Variants in NCAPD2 observed in about 807,000 individuals in gnomAD.
NCAPD2 encodes non-SMC condensin I complex subunit D2.
In NCAPD2, 100 loss-of-function variants were observed where a neutral mutation model predicts 164.5. The ratio of observed to expected loss-of-function variants is 0.61; its 90% CI spans 0.52 to 0.72. The LOEUF (loss-of-function observed/expected upper bound fraction) is 0.72, where lower values mean the gene tolerates loss of function less well. Ranked by LOEUF, NCAPD2 falls within the 30% of genes least tolerant of loss-of-function variation. NCAPD2 has a pLI of 0.00. For missense variants in NCAPD2, 1,560 were observed against 1,749.2 expected (o/e 0.89, Z 1.93); for synonymous variants, 585 against 642.6 (o/e 0.91, Z 1.36).
chr12:6,500,303 C>G (rs1012603048), intron 2 of NCAPD2, among the ~76,000 whole-genome samples: 1 of 152,066 alleles, frequency 6.6e-6, no homozygotes, highest in African/African-American at 2.4e-5. Context: ...ATAGTAGGAC[C>G]TGTCATTTCA....
chr12:6,506,416 G>A (rs765001738), intron 2 of NCAPD2, among the ~76,000 whole-genome samples: 2 of 151,920 alleles, frequency 1.3e-5, no homozygotes, highest in African/African-American at 2.4e-5. Flanking sequence ...GTGAAACCCC[G>A]TCTCTACTAA....
intron 17 of NCAPD2, among the ~76,000 whole-genome samples, chr12:6,524,366 C>T (rs1370563789): frequency 3.9e-5 from 6 of 152,072 alleles, no homozygotes; most frequent in Non-Finnish European, 2.9e-5. Context: ...AAAGACCAGG[C>T]GCGATGGCTC....
At chr12:6,502,322 G>A (rs73255086) in intron 2 of NCAPD2, among the ~76,000 whole-genome samples, 4,121 of 152,318 alleles carry the variant, frequency 0.027, 201 homozygotes, top group African/African-American at 0.091. Context: ...TTCCTCAATA[G>A]GAAGGGAAAG....
intron 2 of NCAPD2, among the ~76,000 whole-genome samples, chr12:6,508,981 G>C (rs907214996): frequency 6.6e-6 from 1 of 152,062 alleles, no homozygotes; most frequent in African/African-American, 2.4e-5. Flanking sequence ...GTGTCAAGAT[G>C]ATGAAAGATA....
chr12:6,504,214 T>TAG (rs1225582051), intron 2 of NCAPD2, among the ~76,000 whole-genome samples: 16 of 21,174 alleles, frequency 7.6e-4, no homozygotes, highest in African/African-American at 2.8e-3. Context: ...TATATATATA[T>TAG]ATAGATATAG....
At chr12:6,520,192 AT>A (rs1173292420) in intron 13 of NCAPD2, among the ~76,000 whole-genome samples, 3,730 of 139,998 alleles carry the variant, frequency 0.027, 157 homozygotes, top group African/African-American at 0.095. Flanking sequence ...AAAAAAAAAA[AT>A]ATATATATAT....
Position 6,529,593 on chromosome 12 carries a change from G to C in NCAPD2, c.3653G>C (p.Arg1218Pro), listed in dbSNP as rs61731148. ...EKLCQRFRTSRTERQQRDLAY... is the reference protein window; with the variant it reads ...EKLCQRFRTSPTERQQRDLAY... ...CTGTGTCAGCGGTTCCGCACATCCCGGTATGCTGCCCTCCCTGAGGGTTCT... is the reference window on the plus strand; with the variant it reads ...CTGTGTCAGCGGTTCCGCACATCCCCGTATGCTGCCCTCCCTGAGGGTTCT... The change falls in exon 28 of 32, where the codon CGA becomes CCA. Residue 1218 changes from arginine to proline, a missense_variant and splice_region_variant. Arg to Pro is a moderately radical substitution (Grantham distance 103, BLOSUM62 -2). Coordinates refer to ENST00000315579, the MANE Select transcript of NCAPD2 (RefSeq NM_014865.4). The C allele has an allele frequency of 6.2e-7, 1 of 1,614,022 alleles. No individual in the cohort carries two copies. The highest frequency in any genetic ancestry group is 1.3e-5 in the African/African-American group (1 of 74,924).
At position 6,523,305 on chromosome 12, in the gene NCAPD2, G is replaced by T; in HGVS notation, c.2173G>T (p.Val725Leu). Residue 725 changes from valine to leucine, a missense_variant, in exon 17 of 32, where the codon GTG becomes TTG. Physicochemically the swap from Val to Leu is conservative, Grantham distance 32. Transcript: ENST00000315579. Reference protein sequence around the residue: ...ALIQNLSLLLVDASVGTIQCL... With the variant: ...ALIQNLSLLLLDASVGTIQCL... ...GATTCAGAATCTCTCTCTGCTGCTA[G>T]TGGATGCCTCGGTTGGGACCATTCA... The T allele has an allele frequency of 3.1e-6, 5 of 1,614,130 alleles. No homozygotes were observed. Among genetic ancestry groups the T allele is most frequent in the Non-Finnish European group, 4.2e-6 (5 of 1,180,026 alleles).
chr12:6,509,678 T>G, intron 2 of NCAPD2, 39 bp from the exon 3 acceptor site: 1 of 1,586,392 alleles, frequency 6.3e-7, no homozygotes, highest in Non-Finnish European at 8.7e-7. Flanking sequence ...AAAAGGTTTC[T>G]CTTCCCTCCA....
At position 6,508,340 on chromosome 12, in the gene NCAPD2, A is replaced by G. The variant is rs75291591; in HGVS notation, c.128-1377A>G. 9.0e-3 allele frequency among the ~76,000 whole-genome samples: 1,375 copies of G among 152,310 alleles called. 28 individuals are homozygous for G. Among genetic ancestry groups the G allele is most frequent in the African/African-American group, 0.03 (1,265 of 41,562 alleles). ...AACAAAGCAAGACCCTATCTTGAAA[A>G]AAACAAAAAAATGGAAGCATGTTCA... On this transcript the variant is annotated intron_variant, in intron 2 of 31. Coordinates refer to ENST00000315579, the MANE Select transcript of NCAPD2 (RefSeq NM_014865.4).
chr12:6,518,504 G>GTTTTTGTTTTTGTTTTTTTTTTTTTTT (rs746627585), intron 13 of NCAPD2, among the ~76,000 whole-genome samples: 1 of 44,774 alleles, frequency 2.2e-5, no homozygotes, highest in African/African-American at 1.0e-4. Flanking sequence ...CCGTCAACAA[G>GTTTTTGTTTTTGTTTTTTTTTTTTTTT]TTTTTTTTTT....
intron 9 of NCAPD2, 24 bp from the exon 10 acceptor site, chr12:6,516,803 AC>A: frequency 6.2e-7 from 1 of 1,610,672 alleles, no homozygotes; most frequent in Non-Finnish European, 8.5e-7. Flanking sequence ...TAAAGGTTTG[AC>A]CCCTCTATGC....
At chr12:6,527,688 CCTCA>C in intron 22 of NCAPD2, 85 bp from the exon 23 acceptor site, 1 of 1,209,694 alleles carries the variant, frequency 8.3e-7, no homozygotes, top group Non-Finnish European at 1.2e-6. Flanking sequence ...ATTTGCCCTT[CCTCA>C]CTTTGTTCAT....
At chr12:6,516,054 G>C (rs1456981849) in intron 9 of NCAPD2, among the ~76,000 whole-genome samples, 1 of 151,720 alleles carries the variant, frequency 6.6e-6, no homozygotes, top group Non-Finnish European at 1.5e-5. Context: ...AAATTAGCTG[G>C]GTGTGGTGGC....
chr12:6,518,467 A>G (rs975786144), intron 13 of NCAPD2, among the ~76,000 whole-genome samples: 11 of 145,988 alleles, frequency 7.5e-5, no homozygotes, highest in Admixed American at 6.3e-4. Context: ...TTGTGACTCT[A>G]GAACTTAACA....
At chr12:6,519,621 T>C (rs1451422612) in intron 13 of NCAPD2, among the ~76,000 whole-genome samples, 1 of 152,086 alleles carries the variant, frequency 6.6e-6, no homozygotes, top group African/African-American at 2.4e-5. Flanking sequence ...TATTCTTTTT[T>C]TCCCCCTTTT....
Position 6,521,778 on chromosome 12 carries a change from G to A in NCAPD2, c.1715-20G>A, listed in dbSNP as rs1413546408. 14 of 1,612,990 alleles carry A rather than the reference G, an allele frequency of 8.7e-6. No homozygotes were observed. Among genetic ancestry groups the A allele is most frequent in the Non-Finnish European group, 1.0e-5 (12 of 1,179,400 alleles). On this transcript the variant is annotated intron_variant, in intron 14 of 31. Coordinates refer to ENST00000315579, the MANE Select transcript of NCAPD2 (RefSeq NM_014865.4). ...GTATCCCCTTGAACGAAACCATCCT[G>A]TACTTCTCTAACTCCTTAGGCCCAG...
chr12:6,497,570 A>G (rs1299545874), intron 2 of NCAPD2, among the ~76,000 whole-genome samples: 1 of 151,894 alleles, frequency 6.6e-6, no homozygotes, highest in Non-Finnish European at 1.5e-5. Context: ...CTGTTCTTGC[A>G]TTAGTTTGCT....
At position 6,521,985 on chromosome 12, in the gene NCAPD2, T is replaced by G. The variant is rs1946267419; in HGVS notation, c.1902T>G (p.Ile634Met). 2 of 1,614,188 alleles carry G rather than the reference T, an allele frequency of 1.2e-6. No homozygotes were observed. Among genetic ancestry groups the G allele is most frequent in the African/African-American group, 2.7e-5 (2 of 75,038 alleles). Reference sequence around the variant, plus strand: ...ATGCCTACAGCTTCTCCCGGAAGATTACAGAGGCCATTGGCATCATCAGCA... The same window carrying G: ...ATGCCTACAGCTTCTCCCGGAAGATGACAGAGGCCATTGGCATCATCAGCA... ...LQDAYSFSRK[I>M]TEAIGIISKM... Residue 634 changes from isoleucine to methionine, a missense_variant, in exon 15 of 32, where the codon ATT becomes ATG. Coordinates refer to ENST00000315579, the MANE Select transcript of NCAPD2 (RefSeq NM_014865.4).
Sources: gnomAD v4.1 joint callset for allele counts (sites outside exome capture counted in the v4.1 genomes callset) on GRCh38, gnomAD v4.1.1 for gene constraint, MANE v1.5 for transcripts, NCBI Gene and HGNC (gene_info 2026-07-23, HGNC 2026-07-21) for gene names.